EXT2: variants seen among roughly 807,000 people sequenced by gnomAD.
EXT2 encodes the protein exostosin glycosyltransferase 2, also known as exostosin-2.
In EXT2, 53 loss-of-function variants were observed where a neutral mutation model predicts 81.6. The ratio of observed to expected loss-of-function variants is 0.65; its 90% CI spans 0.52 to 0.82. The LOEUF is 0.82. Among genes scored for constraint, EXT2 ranks in the 40% least tolerant of loss-of-function variants. The pLI is 0.00. For missense variants in EXT2, 774 were observed against 910.2 expected (o/e 0.85, Z 1.93); for synonymous variants, 320 against 340.0 (o/e 0.94, Z 0.65).
intron 7 of EXT2, among the ~76,000 whole-genome samples, chr11:44,152,347 G>A (rs927197304): frequency 6.6e-6 from 1 of 151,940 alleles, no homozygotes; most frequent in African/African-American, 2.4e-5. Flanking sequence ...TTATAGGGTT[G>A]TTGTTGTTGT....
chr11:44,184,995 C>T (rs1410597436), intron 8 of EXT2, among the ~76,000 whole-genome samples: 1 of 152,292 alleles, frequency 6.6e-6, no homozygotes, highest in African/African-American at 2.4e-5. Flanking sequence ...AAAAATTCCC[C>T]AGGAGGATTC....
chr11:44,126,362 C>G (rs1008836532), intron 5 of EXT2, among the ~76,000 whole-genome samples: 8 of 152,160 alleles, frequency 5.3e-5, no homozygotes, highest in African/African-American at 1.9e-4. Flanking sequence ...GATTTGATAC[C>G]TTCCCTTTAG....
At position 44,232,359 on chromosome 11, in the gene EXT2, C is replaced by G. The variant is rs768532662; in HGVS notation, c.1669C>G (p.Arg557Gly). 1 of 1,613,814 alleles carries G rather than the reference C, an allele frequency of 6.2e-7. No individual in the cohort carries two copies. The highest frequency in any genetic ancestry group is 1.1e-5 in the South Asian group (1 of 91,070). The stretch of plus-strand genomic sequence containing the variant: ...ATTATGTGTCTGTCCTTAGGTCTGG[C>G]GGGAATTTCCTGACCGGTTGGTGGG... ...DELQFGYEVW[R>G]EFPDRLVGYP... The change falls in exon 11 of 14, where the codon CGG (arginine) becomes GGG (glycine). Residue 557 changes from arginine (R) to glycine (G), a missense_variant. Coordinates refer to ENST00000533608, the MANE Select transcript of EXT2 (RefSeq NM_207122.2).
chr11:44,164,366 T>G (rs12223543), intron 7 of EXT2, among the ~76,000 whole-genome samples: 1 of 152,074 alleles, frequency 6.6e-6, no homozygotes, highest in Non-Finnish European at 1.5e-5. Context: ...CTTTATTTTA[T>G]GTCAGTGGGC....
intron 2 of EXT2, 129 bp downstream of exon 2, chr11:44,108,377 G>A (rs368259513): frequency 1.3e-5 from 13 of 1,014,350 alleles, no homozygotes; most frequent in South Asian, 1.2e-4. Flanking sequence ...CTTGCAGGAC[G>A]GGGTGTGTTG....
At position 44,142,347 on chromosome 11, in the gene EXT2, T is replaced by G. The variant is rs151231881; in HGVS notation, c.1173+12209T>G. Among the ~76,000 whole-genome samples, 6 of 152,376 alleles carry G rather than the reference T, an allele frequency of 3.9e-5. No homozygotes were observed. The East Asian group carries it at 1.2e-3, about 29-fold the overall frequency. On this transcript the variant is annotated intron_variant, in intron 7 of 13. Transcript: ENST00000533608. ...TAGACAACAGTCACATATATTTATT[T>G]CTTTATCTTCACTCAGAGTACAAGA...
At chr11:44,173,494 T>C (rs1337778919) in intron 8 of EXT2, among the ~76,000 whole-genome samples, 1 of 151,566 alleles carries the variant, frequency 6.6e-6, no homozygotes, top group Admixed American at 6.6e-5. Context: ...ATTGTTTGGG[T>C]ATATCGTATG....
intron 10 of EXT2, among the ~76,000 whole-genome samples, chr11:44,211,382 T>C (rs1252748948): frequency 1.3e-5 from 2 of 152,098 alleles, no homozygotes; most frequent in African/African-American, 4.8e-5. Flanking sequence ...AACCTAAGTA[T>C]CCATAAACAG....
intron 10 of EXT2, among the ~76,000 whole-genome samples, chr11:44,222,608 G>A (rs1955793657): frequency 6.6e-6 from 1 of 152,016 alleles, no homozygotes; most frequent in African/African-American, 2.4e-5. Flanking sequence ...ACCTTGGCCT[G>A]GACCTCACAC....
At chr11:44,223,809 C>A (rs998687126) in intron 10 of EXT2, among the ~76,000 whole-genome samples, 1 of 152,138 alleles carries the variant, frequency 6.6e-6, no homozygotes, top group Non-Finnish European at 1.5e-5. Flanking sequence ...CGCCACTAGG[C>A]CCGGCTAATT....
intron 1 of EXT2, chr11:44,103,580 A>G (rs1954015546): frequency 2.5e-6 from 1 of 403,372 alleles, no homozygotes; most frequent in African/African-American, 2.2e-5. Context: ...GAACTCTGGA[A>G]TAATTTGTGG....
At chr11:44,166,219 G>A (rs1954992027) in intron 7 of EXT2, among the ~76,000 whole-genome samples, 2 of 152,194 alleles carry the variant, frequency 1.3e-5, no homozygotes, top group African/African-American at 4.8e-5. Context: ...GGCTGTAAGG[G>A]CTAAGGGATT....
rs4755794 is a variant in EXT2 at position 44,246,107 on chromosome 11, A to G, written c.*1820A>G. On this transcript the variant is annotated 3_prime_UTR_variant, in exon 14 of 14. Coordinates refer to ENST00000533608, the MANE Select transcript of EXT2 (RefSeq NM_207122.2). ...ACGATATGGTAGAAAGCCAGGAAAA[A>G]TATTTCTGTTGTCACCCAGGTACCA... Among the ~76,000 whole-genome samples the G allele has an allele frequency of 0.79, 120,057 of 152,148 alleles. 47,802 individuals are homozygous for G. The highest frequency in any genetic ancestry group is 0.85 in the Admixed American group (13,023 of 15,304).
At position 44,250,062 on chromosome 11, in the gene EXT2, T is replaced by C. The variant is rs930190044; in HGVS notation, c.*5775T>C. ...TCCAGCCTGGGCGACAGAGCAAGAC[T>C]CCGTCTCAAAAGAGAAAATGTTGTC... is the stretch of plus-strand genomic sequence containing the variant. On this transcript the variant is annotated 3_prime_UTR_variant, in exon 14 of 14. Transcript: ENST00000533608. 4.6e-5 allele frequency among the ~76,000 whole-genome samples: 7 copies of C among 152,168 alleles called. No individual in the cohort carries two copies. The highest frequency in any genetic ancestry group is 1.7e-4 in the African/African-American group (7 of 41,440).
chr11:44,233,610 G>A (rs1401111126), intron 11 of EXT2, among the ~76,000 whole-genome samples: 2 of 152,196 alleles, frequency 1.3e-5, no homozygotes, highest in Non-Finnish European at 2.9e-5. Context: ...GATGTCGGGA[G>A]AAAGGTCTGT....
At chr11:44,119,283 C>T (rs1485075654) in intron 4 of EXT2, among the ~76,000 whole-genome samples, 2 of 151,354 alleles carry the variant, frequency 1.3e-5, no homozygotes, top group Non-Finnish European at 2.9e-5. Flanking sequence ...GGCTCCATGA[C>T]TCAGCATATA....
rs1053473840 is a variant in EXT2, at chr11:44,197,842, T to A, written c.1319T>A (p.Val440Glu). 17 of 1,613,928 alleles carry A rather than the reference T, an allele frequency of 1.1e-5. No individual in the cohort carries two copies. The highest frequency in any genetic ancestry group is 1.4e-5 in the Non-Finnish European group (16 of 1,179,958). ...GTCCTCTTGTAGAAGTGGGGCAGCG[T>A]GAGCAATCCACTCTTCCTCCCGCTG... ...NDPPAVKWGS[V>E]SNPLFLPLIP... The change falls in exon 9 of 14, where the codon GTG (valine) becomes GAG (glutamate). Residue 440 changes from valine (V) to glutamate (E), a missense_variant. Val to Glu is a moderately radical substitution (Grantham distance 121, BLOSUM62 -2). Transcript: ENST00000533608.
At chr11:44,174,643 T>C (rs1183902350) in intron 8 of EXT2, among the ~76,000 whole-genome samples, 1 of 152,214 alleles carries the variant, frequency 6.6e-6, no homozygotes, top group Non-Finnish European at 1.5e-5. Flanking sequence ...GATTCTCTTA[T>C]ATTTTTAGAT....
chr11:44,251,568 T>C lies in EXT2; in HGVS notation c.*7281T>C, dbSNP rs1564994090. Among the ~76,000 whole-genome samples, 1 of 152,214 alleles carries C rather than the reference T, an allele frequency of 6.6e-6. No individual in the cohort carries two copies. Among genetic ancestry groups the C allele is most frequent in the Non-Finnish European group, 1.5e-5 (1 of 68,020 alleles). On this transcript the variant is annotated 3_prime_UTR_variant, in exon 14 of 14. Transcript: ENST00000533608. ...CTATTTACTTCTCGGTACAGATTAC[T>C]CTGGTTAAATCACTCAGTAAAGAAA...
Sources: gnomAD v4.1 joint callset for allele counts (sites outside exome capture counted in the v4.1 genomes callset) on GRCh38, gnomAD v4.1.1 for gene constraint, MANE v1.5 for transcripts, NCBI Gene and HGNC (gene_info 2026-07-23, HGNC 2026-07-21) for gene names.